Variants in PARD3B observed in about 807,000 individuals in gnomAD.
PARD3B encodes partitioning defective 3 homolog B.
PARD3B carries 103 observed loss-of-function variants against 130.2 expected under a neutral mutation model. The ratio of observed to expected loss-of-function variants is 0.79; its 90% CI spans 0.67 to 0.93. The LOEUF is 0.93. Among genes scored for constraint, PARD3B ranks in the 40% least tolerant of loss-of-function variants. PARD3B has a pLI of 0.00. For missense variants in PARD3B, 1,609 were observed against 1,499.2 expected, an observed-to-expected ratio of 1.07 and a Z score of -1.21; for synonymous variants, 583 against 553.2, an observed-to-expected ratio of 1.05 and a Z score of -0.76.
At chr2:204,736,615 C>A (rs2039768194) in intron 2 of PARD3B, among the ~76,000 whole-genome samples, 2 of 152,246 alleles carry the variant, frequency 1.3e-5, no homozygotes, top group East Asian at 1.9e-4. Flanking sequence ...TTATCTTGTT[C>A]TTTTTAATAG....
At chr2:204,611,837 T>G (rs2033938055) in intron 1 of PARD3B, among the ~76,000 whole-genome samples, 1 of 78,112 alleles carries the variant, frequency 1.3e-5, no homozygotes, top group Non-Finnish European at 3.7e-5. Flanking sequence ...ACTATATAAA[T>G]CTATATCTAT....
chr2:205,212,012 A>T (rs1415529666), intron 15 of PARD3B, among the ~76,000 whole-genome samples: 1 of 152,052 alleles, frequency 6.6e-6, no homozygotes, highest in Non-Finnish European at 1.5e-5. Flanking sequence ...TTCCATTAGA[A>T]TTTTTTTATT....
chr2:205,332,175 C>G (rs763929583), intron 18 of PARD3B, among the ~76,000 whole-genome samples: 36 of 152,116 alleles, frequency 2.4e-4, no homozygotes, highest in Non-Finnish European at 5.0e-4. Flanking sequence ...TTCTGTGGGC[C>G]CTCTGTCAGT....
chr2:205,252,483 C>G (rs768744510), intron 16 of PARD3B, among the ~76,000 whole-genome samples: 13 of 152,118 alleles, frequency 8.5e-5, no homozygotes, highest in South Asian at 2.1e-4. Context: ...TTGGGGATGG[C>G]TGTCACGTTT....
chr2:205,223,608 G>A (rs2038360677), intron 15 of PARD3B, among the ~76,000 whole-genome samples: 1 of 143,770 alleles, frequency 7.0e-6, no homozygotes, highest in African/African-American at 2.7e-5. Flanking sequence ...TCTTTTTATG[G>A]TCCTGTATTC....
chr2:204,844,202 A>G (rs928626534), intron 2 of PARD3B, among the ~76,000 whole-genome samples: 1 of 152,154 alleles, frequency 6.6e-6, no homozygotes, highest in African/African-American at 2.4e-5. Flanking sequence ...ATTTGTGCCA[A>G]GGAATTATGT....
chr2:204,726,955 A>G (rs2039258576), intron 2 of PARD3B, among the ~76,000 whole-genome samples: 1 of 152,080 alleles, frequency 6.6e-6, no homozygotes, highest in Non-Finnish European at 1.5e-5. Flanking sequence ...TTTCTCAGAC[A>G]AGTTGCTTAA....
chr2:205,245,758 C>T lies in PARD3B; in HGVS notation c.2141-20C>T. The T allele has an allele frequency of 4.4e-6, 7 of 1,577,880 alleles. No homozygotes were observed. The highest frequency in any genetic ancestry group is 3.5e-6 in the Non-Finnish European group (4 of 1,150,146). The stretch of plus-strand genomic sequence containing the variant: ...TTACAAGCCGGTCTGATCCTTGTCT[C>T]TTTTATTTCTTCTCCTCAGTGCCAG... On this transcript the variant is annotated intron_variant, in intron 15 of 22. Transcript: ENST00000406610.
chr2:204,932,593 A>T (rs1282765361), intron 2 of PARD3B, among the ~76,000 whole-genome samples: 1 of 152,176 alleles, frequency 6.6e-6, no homozygotes, highest in Non-Finnish European at 1.5e-5. Context: ...TTTTAAAGGC[A>T]GAGAAGAATA....
intron 21 of PARD3B, among the ~76,000 whole-genome samples, chr2:205,545,356 G>T (rs1271395806): frequency 2.0e-5 from 3 of 152,110 alleles, no homozygotes; most frequent in Non-Finnish European, 4.4e-5. Flanking sequence ...ACATCTTCCA[G>T]CCAAATCTGT....
intron 1 of PARD3B, among the ~76,000 whole-genome samples, chr2:204,659,657 C>G (rs1345094973): frequency 6.6e-6 from 1 of 152,144 alleles, no homozygotes; most frequent in Non-Finnish European, 1.5e-5. Flanking sequence ...CCACCTTTAA[C>G]ATACTGTGCA....
intron 15 of PARD3B, among the ~76,000 whole-genome samples, chr2:205,218,357 A>G (rs1036733285): frequency 2.0e-5 from 3 of 152,242 alleles, no homozygotes; most frequent in African/African-American, 7.2e-5. Flanking sequence ...TATTGGCTGT[A>G]ATGTATGAAC....
chr2:205,372,449 G>A (rs1463215051), intron 18 of PARD3B, among the ~76,000 whole-genome samples: 5 of 152,056 alleles, frequency 3.3e-5, no homozygotes, highest in Non-Finnish European at 7.4e-5. Context: ...TTTCTCTTGT[G>A]CTCATTGAAA....
chr2:204,742,762 T>C (rs2040061499), intron 2 of PARD3B, among the ~76,000 whole-genome samples: 1 of 152,184 alleles, frequency 6.6e-6, no homozygotes, highest in South Asian at 2.1e-4. Context: ...TATAAAACTT[T>C]TAATTCTACT....
chr2:205,383,113 T>TAGATAGATAGATAGAG (rs1553500342), intron 18 of PARD3B, among the ~76,000 whole-genome samples: 36 of 149,562 alleles, frequency 2.4e-4, no homozygotes, highest in African/African-American at 6.9e-4. Context: ...GATAGATAGA[T>TAGATAGATAGATAGAG]AGATAGATAG....
At chr2:205,277,578 A>C (rs1465402921) in intron 16 of PARD3B, among the ~76,000 whole-genome samples, 1 of 152,166 alleles carries the variant, frequency 6.6e-6, no homozygotes, top group African/African-American at 2.4e-5. Context: ...ATGTCTAAAA[A>C]ATGGCCAGTA....
At chr2:205,127,125 G>T (rs1288415101) in intron 10 of PARD3B, among the ~76,000 whole-genome samples, 1 of 151,576 alleles carries the variant, frequency 6.6e-6, no homozygotes, top group East Asian at 1.9e-4. Flanking sequence ...GTGAAACCCC[G>T]TCTCTACTAA....
chr2:205,312,275 C>T (rs1468464630), intron 18 of PARD3B, among the ~76,000 whole-genome samples: 1 of 152,128 alleles, frequency 6.6e-6, no homozygotes, highest in East Asian at 1.9e-4. Context: ...CACTCATTTC[C>T]CCAAAGGCAA....
Position 205,300,598 on chromosome 2 carries a change from A to C in PARD3B, c.2254A>C (p.Thr752Pro), listed in dbSNP as rs775937822. ...KKSSSLESLQ[T>P]AVAEVRKNDL... Reference sequence around the variant, plus strand: ...GTCCAGCTCCTTGGAGAGTCTGCAGACTGCAGTGGCCGAGGTCAGGAAGAA... The same window carrying C: ...GTCCAGCTCCTTGGAGAGTCTGCAGCCTGCAGTGGCCGAGGTCAGGAAGAA... The change falls in exon 17 of 23, where the codon ACT (threonine) becomes CCT (proline). Residue 752 changes from threonine (T) to proline (P), a missense_variant. Transcript: ENST00000406610. This position sits in a 1 kb window ranked among gnomAD's most constrained non-coding sequence, Gnocchi z 4.1. 6.2e-7 allele frequency: 1 copy of C among 1,613,928 alleles called. No individual in the cohort carries two copies. Among genetic ancestry groups the C allele is most frequent in the East Asian group, 2.2e-5 (1 of 44,872 alleles).
Sources: allele counts gnomAD v4.1 joint callset (sites outside exome capture counted in the v4.1 genomes callset), GRCh38; gene constraint gnomAD v4.1.1; non-coding constraint Gnocchi (gnomAD v3.1); transcripts MANE v1.5; gene names NCBI Gene and HGNC (gene_info 2026-07-23, HGNC 2026-07-21).